AP1G1: variants seen among roughly 807,000 people sequenced by gnomAD.
The protein encoded by AP1G1 is adaptor related protein complex 1 subunit gamma 1.
In AP1G1, 7 loss-of-function variants were observed where a neutral mutation model predicts 108.3. The ratio of observed to expected loss-of-function variants is 0.06; its 90% CI spans 0.04 to 0.12. AP1G1 has a LOEUF of 0.12. Ranked by LOEUF, AP1G1 falls within the 10% of genes least tolerant of loss-of-function variation. The pLI is 1.00. For synonymous variants in AP1G1, 379 were observed against 353.5 expected (o/e 1.07, Z -0.81); for missense variants, 756 against 1,010.7 (o/e 0.75, Z 3.42).
At chr16:71,802,252 G>A (rs2032827529) in intron 1 of AP1G1, among the ~76,000 whole-genome samples, 1 of 152,116 alleles carries the variant, frequency 6.6e-6, no homozygotes, top group Non-Finnish European at 1.5e-5. Flanking sequence ...TTAAAAGGAA[G>A]CAAAAGAAGC....
Position 71,754,498 on chromosome 16 carries a change from T to C in AP1G1, c.1230-611A>G, listed in dbSNP as rs112817079. On this transcript the variant is annotated intron_variant, in intron 12 of 22. Transcript: ENST00000299980. ...CAGCAAATGCCATTTCAAAGAGTGATAAAAAGGTATACAGTCAACTGACTT... is the reference window on the plus strand; with the variant it reads ...CAGCAAATGCCATTTCAAAGAGTGACAAAAAGGTATACAGTCAACTGACTT... 3.6e-3 allele frequency among the ~76,000 whole-genome samples: 544 copies of C among 152,234 alleles called. 8 individuals are homozygous for C. The highest frequency in any genetic ancestry group is 0.013 in the African/African-American group (520 of 41,560).
At chr16:71,748,427 T>C (rs765093154) in intron 15 of AP1G1, 49 bp from the exon 16 acceptor site, 1 of 1,588,028 alleles carries the variant, frequency 6.3e-7, no homozygotes, top group Non-Finnish European at 8.6e-7. Flanking sequence ...GTAGCATGAT[T>C]AAGCATCTAA....
intron 6 of AP1G1, chr16:71,766,462 T>G (rs1233313057): frequency 2.1e-6 from 1 of 465,674 alleles, no homozygotes; most frequent in South Asian, 1.6e-5. Flanking sequence ...GATCAATTAC[T>G]TGATATTAAA....
chr16:71,746,818 A>G (rs1937311822), intron 16 of AP1G1, 126 bp from the exon 17 acceptor site: 1 of 648,450 alleles, frequency 1.5e-6, no homozygotes, highest in Admixed American at 3.0e-5. Context: ...CTTAATTTAT[A>G]TAGTTTTTCA....
chr16:71,738,881 G>GA (rs879076046), intron 21 of AP1G1, 61 bp downstream of exon 21: 94,494 of 917,154 alleles, frequency 0.1, 1 homozygote, highest in South Asian at 0.15. Context: ...CCAAACACAT[G>GA]AAAAAAAAAA....
chr16:71,784,097 T>C (rs188367901), intron 2 of AP1G1, among the ~76,000 whole-genome samples: 2 of 152,334 alleles, frequency 1.3e-5, no homozygotes, highest in African/African-American at 4.8e-5. Context: ...AAGGTCCATA[T>C]AAAAAATCTC....
intron 11 of AP1G1, 174 bp downstream of exon 11, chr16:71,758,634 T>TA (rs2030927630): frequency 1.8e-5 from 11 of 607,406 alleles, no homozygotes; most frequent in South Asian, 5.6e-5. Flanking sequence ...CAATCCTTTC[T>TA]AAAAAAAGGA....
At chr16:71,774,387 G>C in intron 3 of AP1G1, 81 bp downstream of exon 3, 2 of 1,504,436 alleles carry the variant, frequency 1.3e-6, no homozygotes, top group Non-Finnish European at 1.8e-6. Context: ...CTGGGCAAAA[G>C]AGCAAGACTC....
At chr16:71,757,338 G>A (rs931540672) in intron 11 of AP1G1, among the ~76,000 whole-genome samples, 4 of 151,620 alleles carry the variant, frequency 2.6e-5, no homozygotes, top group Non-Finnish European at 2.9e-5. Flanking sequence ...GTAATCCCAG[G>A]TACTTGAGAG....
Position 71,739,273 on chromosome 16 carries a change from C to G in AP1G1, c.2068G>C (p.Gly690Arg), listed in dbSNP as rs1280723631. The change falls in exon 20 of 23, where the codon GGG becomes CGG. Residue 690 changes from glycine (G) to arginine (R), a missense_variant. Around this residue, in one of 3 missense-constraint regions of AP1G1, gnomAD observed 357 missense variants for 366.5 expected, o/e 0.97. Coordinates refer to ENST00000299980, the MANE Select transcript of AP1G1 (RefSeq NM_001128.6). ...TTGAAGAGAGGCTGTGATGAAAGCC[C>G]ATCCAACAAGAAGGGGGGCTGGGAT... is the stretch of plus-strand genomic sequence containing the variant. ...QISQPPFLLD[G>R]LSSQPLFNDI... The G allele has an allele frequency of 6.2e-7, 1 of 1,613,116 alleles. No individual in the cohort carries two copies. Among genetic ancestry groups the G allele is most frequent in the African/African-American group, 1.3e-5 (1 of 74,816 alleles).
chr16:71,780,868 GAGCGGGGTTTC>G (rs898831578), intron 2 of AP1G1, among the ~76,000 whole-genome samples: 15 of 151,236 alleles, frequency 9.9e-5, no homozygotes, highest in Admixed American at 3.3e-4. Flanking sequence ...GCCCAGGCTG[GAGCGGGGTTTC>G]ACCGTATTGC....
At chr16:71,746,790 C>A in intron 16 of AP1G1, 98 bp from the exon 17 acceptor site, 1 of 772,656 alleles carries the variant, frequency 1.3e-6, no homozygotes, top group South Asian at 1.8e-5. Context: ...GGTTAAAATA[C>A]TGAAATACTC....
rs138604039 is a variant in AP1G1, at chr16:71,780,452, C to A, written c.202-5860G>T. Among the ~76,000 whole-genome samples the A allele has an allele frequency of 1.5e-4, 23 of 148,854 alleles. No individual in the cohort carries two copies. In the East Asian group the frequency reaches 4.5e-3, roughly 29 times the overall value. Reference sequence around the variant, plus strand: ...GCTGCAGTGAACTACGATTGCACCACTGCACTCCAGCCTGAGTGACAGAGT... The same window carrying A: ...GCTGCAGTGAACTACGATTGCACCAATGCACTCCAGCCTGAGTGACAGAGT... On this transcript the variant is annotated intron_variant, in intron 2 of 22. Coordinates refer to ENST00000299980, the MANE Select transcript of AP1G1 (RefSeq NM_001128.6).
rs552964803 is a variant in AP1G1 at position 71,736,875 on chromosome 16, G to A, written c.2268+2067C>T. ...CTCCCAAAGTGCTGGGATTACAGGCGTGAGCCACCGCGCCCAGCAAAATAT... is the reference window on the plus strand; with the variant it reads ...CTCCCAAAGTGCTGGGATTACAGGCATGAGCCACCGCGCCCAGCAAAATAT... On this transcript the variant is annotated intron_variant, in intron 21 of 22. Coordinates refer to ENST00000299980, the MANE Select transcript of AP1G1 (RefSeq NM_001128.6). Among the ~76,000 whole-genome samples, 506 of 151,690 alleles carry A rather than the reference G, an allele frequency of 3.3e-3. 6 individuals are homozygous for A. The highest frequency in any genetic ancestry group is 0.012 in the African/African-American group (488 of 41,294).
intron 1 of AP1G1, among the ~76,000 whole-genome samples, chr16:71,802,004 TGGTGTAAC>T (rs1808462708): frequency 6.6e-6 from 1 of 150,924 alleles, no homozygotes; most frequent in African/African-American, 2.4e-5. Flanking sequence ...GATGTACAAG[TGGTGTAAC>T]GCAAATATTC....
intron 19 of AP1G1, chr16:71,742,232 A>C (rs1006333766): frequency 6.6e-6 from 1 of 152,180 alleles, no homozygotes; most frequent in Non-Finnish European, 1.5e-5. Flanking sequence ...AGGAATGTTC[A>C]GAAAGGAACC....
rs757552391 is a variant in AP1G1, at chr16:71,808,673, T to C, written c.-4+90A>G. 4.7e-6 allele frequency: 6 copies of C among 1,288,212 alleles called. No individual in the cohort carries two copies. The South Asian group carries it at 6.2e-5, about 13-fold the overall frequency. The allele number at this position is 1,288,212 out of a possible 1,614,324, so 79.8% of individuals were successfully genotyped here. A position where few individuals can be genotyped will look rare whatever the true frequency, so the allele number is the denominator to read the frequency against. On this transcript the variant is annotated intron_variant, in intron 1 of 22. Coordinates refer to ENST00000299980, the MANE Select transcript of AP1G1 (RefSeq NM_001128.6). ...CACCCACAGCCTGGGACTGGACCCC[T>C]GAAACTGAAAGGAAGCTTCCGGTCG...
intron 3 of AP1G1, chr16:71,774,238 C>T (rs370018014): frequency 3.3e-4 from 148 of 444,858 alleles, no homozygotes; most frequent in Non-Finnish European, 5.1e-4. Flanking sequence ...ATTAGCCAGG[C>T]GTGGTGGCAG....
At chr16:71,738,848 TA>T in intron 21 of AP1G1, 93 bp downstream of exon 21, 1 of 1,162,870 alleles carries the variant, frequency 8.6e-7, no homozygotes, top group Non-Finnish European at 1.2e-6. Flanking sequence ...ATTTAATCTG[TA>T]AACATTAAAA....
Sources: allele counts gnomAD v4.1 joint callset (sites outside exome capture counted in the v4.1 genomes callset), GRCh38; gene constraint gnomAD v4.1.1; regional missense constraint gnomAD v4.1.1; transcripts MANE v1.5; gene names NCBI Gene and HGNC (gene_info 2026-07-23, HGNC 2026-07-21).